DGKD: variants seen among roughly 807,000 people sequenced by gnomAD.
DGKD encodes diacylglycerol kinase delta.
In DGKD, 68 loss-of-function variants were observed where a neutral mutation model predicts 154.4. The observed-to-expected ratio is 0.44, with a 90% CI of 0.36 to 0.54. The LOEUF (loss-of-function observed/expected upper bound fraction) is 0.54. Among genes scored for constraint, DGKD ranks in the 20% least tolerant of loss-of-function variants. The pLI is 0.00. For missense variants in DGKD, 1,343 were observed against 1,593.6 expected (o/e 0.84, Z 2.68); for synonymous variants, 693 against 638.0 (o/e 1.09, Z -1.30).
chr2:233,426,519 T>TA (rs778364647), intron 3 of DGKD, among the ~76,000 whole-genome samples: 1 of 152,174 alleles, frequency 6.6e-6, no homozygotes, highest in Non-Finnish European at 1.5e-5. Context: ...ATAGATTAGT[T>TA]ATGTCTGTTT....
intron 12 of DGKD, 25 bp downstream of exon 12, chr2:233,446,821 C>T (rs370262428): frequency 6.2e-6 from 10 of 1,612,892 alleles, no homozygotes; most frequent in Admixed American, 3.3e-5. Context: ...TTCTTCACAC[C>T]CTGCTCGCAT....
chr2:233,413,698 G>A lies in DGKD; in HGVS notation c.349-20682G>A, dbSNP rs547467501. 5.0e-4 allele frequency among the ~76,000 whole-genome samples: 76 copies of A among 152,282 alleles called. 1 individual carries two copies. The Middle Eastern group carries it at 0.034, about 68-fold the overall frequency. On this transcript the variant is annotated intron_variant, in intron 3 of 29. Coordinates refer to ENST00000264057, the MANE Select transcript of DGKD (RefSeq NM_152879.3). ...CCCCCCGTCCACATGGGACCGTGTC[G>A]TCACTGTGCTGTGACGGGAGCTGGC...
rs150957490 is a variant in DGKD, at chr2:233,386,013, A to AAG, written c.157-2243_157-2242dup. 2,933 of 470,154 alleles carry AAG rather than the reference A, an allele frequency of 6.2e-3. 64 individuals are homozygous for AAG. Among genetic ancestry groups the AAG allele is most frequent in the African/African-American group, 0.052 (2,607 of 50,120 alleles). The allele number at this position is 470,154 out of a possible 1,614,324, so 29.1% of individuals were successfully genotyped here. A position where few individuals can be genotyped will look rare whatever the true frequency, so the allele number is the denominator to read the frequency against. On this transcript the variant is annotated intron_variant, in intron 1 of 29. Transcript: ENST00000264057. The stretch of plus-strand genomic sequence containing the variant: ...CGTGTGCGTGTGTGTGCGTGTGTGT[A>AAG]AGTATGTGGTGCAGTGAGTTGTGTT...
At chr2:233,448,462 T>A (rs1346168781) in intron 14 of DGKD, 87 bp downstream of exon 14, 9 of 1,205,872 alleles carry the variant, frequency 7.5e-6, no homozygotes, top group Non-Finnish European at 1.2e-6. Context: ...CTGCAGGTTG[T>A]CCAGGTTCTT....
intron 3 of DGKD, among the ~76,000 whole-genome samples, chr2:233,408,044 GTT>G (rs1293793281): frequency 1.7e-4 from 22 of 127,648 alleles, no homozygotes; most frequent in African/African-American, 5.1e-4. Flanking sequence ...AGGAAAAACT[GTT>G]TTTTTTTTTT....
Position 233,440,907 on chromosome 2 carries a change from G to T in DGKD, c.1086-980G>T, listed in dbSNP as rs2062864872. The stretch of plus-strand genomic sequence containing the variant: ...AGCGGGTGGCTGGGTTGGGTGTGGA[G>T]GAGAGGCTGCCAGGAGGGGCTGGGT... On this transcript the variant is annotated intron_variant, in intron 9 of 29. Transcript: ENST00000264057. This position sits in a 1 kb window ranked among gnomAD's most constrained non-coding sequence, Gnocchi z 4.9. Among the ~76,000 whole-genome samples, 1 of 152,218 alleles carries T rather than the reference G, an allele frequency of 6.6e-6. No individual in the cohort carries two copies. Among genetic ancestry groups the T allele is most frequent in the South Asian group, 2.1e-4 (1 of 4,832 alleles).
At chr2:233,432,465 C>T (rs2062558539) in intron 3 of DGKD, among the ~76,000 whole-genome samples, 1 of 151,162 alleles carries the variant, frequency 6.6e-6, no homozygotes, top group Non-Finnish European at 1.5e-5. Flanking sequence ...CGTGACCATC[C>T]TGGCTAACAC....
intron 1 of DGKD, among the ~76,000 whole-genome samples, chr2:233,378,479 G>T (rs1702709435): frequency 6.6e-6 from 1 of 151,696 alleles, no homozygotes. Flanking sequence ...CAAACTCCTG[G>T]GCTCAAGCTA....
intron 1 of DGKD, among the ~76,000 whole-genome samples, chr2:233,375,959 A>G (rs1469127692): frequency 2.0e-5 from 3 of 152,168 alleles, no homozygotes; most frequent in African/African-American, 7.2e-5. Flanking sequence ...GTAGTATTGC[A>G]AGCCACACTC....
chr2:233,450,194 G>C, intron 16 of DGKD, 63 bp downstream of exon 16: 1 of 1,502,514 alleles, frequency 6.7e-7, no homozygotes, highest in Non-Finnish European at 8.9e-7. Context: ...AGACGTAGCG[G>C]GCTTGCCAGG....
At chr2:233,446,680 TGCC>T in intron 11 of DGKD, 29 bp from the exon 12 acceptor site, 1 of 1,608,326 alleles carries the variant, frequency 6.2e-7, no homozygotes, top group Non-Finnish European at 8.5e-7. Context: ...CTGCACGTCT[TGCC>T]GCCTGTGCAG....
intron 1 of DGKD, among the ~76,000 whole-genome samples, chr2:233,367,303 A>G (rs1278662869): frequency 6.6e-6 from 1 of 150,708 alleles, no homozygotes; most frequent in African/African-American, 2.5e-5. Context: ...ATCTCGGCTC[A>G]CTGCAACCTC....
In DGKD at chr2:233,459,289, C is replaced by T. The variant is rs1189314118; in HGVS notation, c.2695-468C>T. ...TGGTGTCTTCCAGCACTCTGTCTAC[C>T]CTTAGCTGTAGGCTGCTTGAAGTTC... On this transcript the variant is annotated intron_variant, in intron 22 of 29. Transcript: ENST00000264057. This position sits in a 1 kb window ranked among gnomAD's most constrained non-coding sequence, Gnocchi z 5.7. Among the ~76,000 whole-genome samples the T allele has an allele frequency of 6.6e-6, 1 of 152,164 alleles. No individual in the cohort carries two copies. Among genetic ancestry groups the T allele is most frequent in the African/African-American group, 2.4e-5 (1 of 41,434 alleles).
intron 3 of DGKD, among the ~76,000 whole-genome samples, chr2:233,427,296 A>G (rs2062339869): frequency 7.2e-6 from 1 of 138,748 alleles, no homozygotes; most frequent in African/African-American, 2.7e-5. Flanking sequence ...AATCCCTGGG[A>G]TGTCATTCAT....
At chr2:233,426,460 G>A (rs2062302999) in intron 3 of DGKD, among the ~76,000 whole-genome samples, 1 of 152,002 alleles carries the variant, frequency 6.6e-6, no homozygotes, top group South Asian at 2.1e-4. Flanking sequence ...TCCCTCCTGT[G>A]TGCCCCTCCT....
At position 233,418,364 on chromosome 2, in the gene DGKD, G is replaced by A. The variant is rs547205839; in HGVS notation, c.349-16016G>A. 4.6e-4 allele frequency among the ~76,000 whole-genome samples: 70 copies of A among 152,186 alleles called. 1 individual carries two copies. In the Middle Eastern group the frequency reaches 0.017, roughly 37 times the overall value. On this transcript the variant is annotated intron_variant, in intron 3 of 29. Coordinates refer to ENST00000264057, the MANE Select transcript of DGKD (RefSeq NM_152879.3). ...TTCCCTTCCTGCCAGAGGCCCCCCC[G>A]CCAACCATGGCAGTCCCCAATCTCT...
chr2:233,461,458 G>A (rs1006809267), intron 24 of DGKD, among the ~76,000 whole-genome samples: 1 of 152,244 alleles, frequency 6.6e-6, no homozygotes, highest in Non-Finnish European at 1.5e-5. Flanking sequence ...TCCTCGCTCT[G>A]CACTTCCATA....
At chr2:233,406,007 A>C (rs2061677503) in intron 3 of DGKD, among the ~76,000 whole-genome samples, 1 of 152,248 alleles carries the variant, frequency 6.6e-6, no homozygotes, top group Non-Finnish European at 1.5e-5. Flanking sequence ...CCTGGAGGCC[A>C]GACATCTGAA....
chr2:233,386,517 A>C, intron 1 of DGKD, among the ~76,000 whole-genome samples: 1 of 122,546 alleles, frequency 8.2e-6, no homozygotes, highest in Non-Finnish European at 1.6e-5. Context: ...CTCAGATGCT[A>C]ACTGTATGCT....
Sources: allele counts gnomAD v4.1 joint callset (sites outside exome capture counted in the v4.1 genomes callset), GRCh38; gene constraint gnomAD v4.1.1; non-coding constraint Gnocchi (gnomAD v3.1); transcripts MANE v1.5; gene names NCBI Gene and HGNC (gene_info 2026-07-23, HGNC 2026-07-21).